Variants in AMPH observed in about 807,000 individuals in gnomAD.
The protein encoded by AMPH is amphiphysin, also known as amphiphysin (Stiff-Mann syndrome with breast cancer 128kD autoantigen).
A neutral mutation model predicts 99.1 loss-of-function variants in AMPH; 49 were observed. That is an observed-to-expected ratio of 0.49 (90% CI 0.39 to 0.63). The LOEUF is 0.63. Ranked by LOEUF, AMPH falls within the 20% of genes least tolerant of loss-of-function variation. The probability of loss-of-function intolerance (pLI) is 0.00; values close to 1 mark genes in which losing one functional copy is unlikely to be tolerated. For missense variants in AMPH, 759 were observed against 863.4 expected, an observed-to-expected ratio of 0.88 and a Z score of 1.52; for synonymous variants, 314 against 317.3, an observed-to-expected ratio of 0.99 and a Z score of 0.11.
chr7:38,490,528 T>C (rs748438807), intron 5 of AMPH, among the ~76,000 whole-genome samples: 1 of 152,166 alleles, frequency 6.6e-6, no homozygotes, highest in African/African-American at 2.4e-5. Context: ...CAGATGCAAA[T>C]GTATTTAAAA....
At chr7:38,552,805 T>C (rs1791225391) in intron 1 of AMPH, among the ~76,000 whole-genome samples, 1 of 152,140 alleles carries the variant, frequency 6.6e-6, no homozygotes, top group African/African-American at 2.4e-5. Flanking sequence ...TTTTCTCATC[T>C]CCTCCTCTTC....
chr7:38,552,167 C>G (rs1022722525), intron 1 of AMPH, among the ~76,000 whole-genome samples: 2 of 152,162 alleles, frequency 1.3e-5, no homozygotes, highest in African/African-American at 4.8e-5. Context: ...ACAAGAGAAC[C>G]CTTTTGTCAA....
chr7:38,428,323 G>A (rs6958300), intron 14 of AMPH: 9 of 456,510 alleles, frequency 2.0e-5, no homozygotes, highest in East Asian at 6.9e-5. Context: ...GTATGACTAC[G>A]GTTCTCAGTT....
chr7:38,559,278 C>A (rs773032557), intron 1 of AMPH, among the ~76,000 whole-genome samples: 8 of 152,236 alleles, frequency 5.3e-5, no homozygotes, highest in Non-Finnish European at 1.2e-4. Context: ...AATAACAGAG[C>A]AGTCAAAGGA....
chr7:38,457,616 T>C (rs187751135), intron 11 of AMPH, among the ~76,000 whole-genome samples: 76 of 152,266 alleles, frequency 5.0e-4, no homozygotes, highest in African/African-American at 1.8e-3. Flanking sequence ...AGAGAACAAA[T>C]GGGCTAGAAA....
chr7:38,569,644 T>C (rs982610291), intron 1 of AMPH, among the ~76,000 whole-genome samples: 1 of 152,028 alleles, frequency 6.6e-6, no homozygotes, highest in Non-Finnish European at 1.5e-5. Context: ...TTAAAAGAAA[T>C]TTTCAAGGAA....
intron 1 of AMPH, among the ~76,000 whole-genome samples, chr7:38,601,606 T>C (rs1229519114): frequency 2.0e-5 from 3 of 152,222 alleles, no homozygotes; most frequent in Admixed American, 6.5e-5. Context: ...AGCACAGTTC[T>C]GCTCAGTAAA....
intron 17 of AMPH, among the ~76,000 whole-genome samples, chr7:38,401,881 G>A (rs931312136): frequency 1.3e-5 from 2 of 151,724 alleles, no homozygotes; most frequent in African/African-American, 4.8e-5. Flanking sequence ...CTATTATACT[G>A]GCCACTTCTG....
chr7:38,496,540 C>T (rs1039027772), intron 3 of AMPH, among the ~76,000 whole-genome samples: 1 of 152,098 alleles, frequency 6.6e-6, no homozygotes, highest in Non-Finnish European at 1.5e-5. Context: ...GAAACAGAGT[C>T]GTGCAGGTGA....
chr7:38,440,049 G>A (rs978638644), intron 11 of AMPH, among the ~76,000 whole-genome samples: 3 of 152,094 alleles, frequency 2.0e-5, no homozygotes, highest in African/African-American at 4.8e-5. Flanking sequence ...TTTGTATTCC[G>A]CCATTCACCG....
rs1177612475 is a variant in AMPH at position 38,384,692 on chromosome 7, T to C, written c.*126A>G. ...TGCACACATGCTCCATTGATACATC[T>C]TCCCAAGGTTTGTCTGGCATCAGTC... On this transcript the variant is annotated 3_prime_UTR_variant, in exon 21 of 21. Transcript: ENST00000356264. The C allele has an allele frequency of 6.4e-6, 5 of 782,234 alleles. No homozygotes were observed. The highest frequency in any genetic ancestry group is 1.0e-5 in the Non-Finnish European group (5 of 478,402). 48.5% of individuals were successfully genotyped at this position (782,234 alleles called of 1,614,324 possible).
intron 7 of AMPH, among the ~76,000 whole-genome samples, chr7:38,467,817 G>A (rs1787721320): frequency 6.6e-6 from 1 of 152,104 alleles, no homozygotes; most frequent in Non-Finnish European, 1.5e-5. Flanking sequence ...CAGAGAAACT[G>A]AGAAGAGAGG....
rs1787511287 is a variant in AMPH at position 38,463,013 on chromosome 7, C to T, written c.850G>A (p.Ala284Thr). ...TASPNHTLAP[A>T]SPAPARPRSP... is the part of the protein sequence containing the mutation. ...CGAGGCCGTGCTGGTGCGGGAGACG[C>T]AGGTGCTAATGTATGATTTGGACTT... The change falls in exon 10 of 21, where the codon GCG becomes ACG. Residue 284 changes from alanine (A) to threonine (T), a missense_variant. Transcript: ENST00000356264. 6.2e-7 allele frequency: 1 copy of T among 1,603,800 alleles called. No homozygotes were observed. The highest frequency in any genetic ancestry group is 8.5e-7 in the Non-Finnish European group (1 of 1,175,256).
intron 1 of AMPH, among the ~76,000 whole-genome samples, chr7:38,630,710 A>C (rs1161317702): frequency 6.6e-6 from 1 of 152,230 alleles, no homozygotes; most frequent in Non-Finnish European, 1.5e-5. Context: ...ACCAGACAGC[A>C]CTGTGTGATC....
intron 14 of AMPH, chr7:38,429,508 C>T (rs1446150708): frequency 3.8e-5 from 52 of 1,357,952 alleles, no homozygotes; most frequent in East Asian, 1.3e-4. Flanking sequence ...TGAATTTCTT[C>T]GGCCAACCCA....
intron 1 of AMPH, among the ~76,000 whole-genome samples, chr7:38,624,511 C>T (rs865949661): frequency 4.6e-5 from 7 of 150,538 alleles, no homozygotes; most frequent in Middle Eastern, 3.4e-3. Context: ...TCTTCTGCCT[C>T]GGCCTCCCGA....
intron 2 of AMPH, among the ~76,000 whole-genome samples, chr7:38,513,303 C>G (rs1789611271): frequency 6.6e-6 from 1 of 152,132 alleles, no homozygotes; most frequent in East Asian, 1.9e-4. Flanking sequence ...CATAGCCAAT[C>G]ACACAACAAT....
chr7:38,613,619 C>T (rs1793761030), intron 1 of AMPH, among the ~76,000 whole-genome samples: 2 of 152,178 alleles, frequency 1.3e-5, no homozygotes, highest in South Asian at 4.1e-4. Context: ...AAATGCTCTC[C>T]ACTTCCACAG....
chr7:38,609,550 C>T (rs1284267615), intron 1 of AMPH, among the ~76,000 whole-genome samples: 1 of 152,168 alleles, frequency 6.6e-6, no homozygotes, highest in Non-Finnish European at 1.5e-5. Flanking sequence ...AAACAATGGT[C>T]CATCCTTATT....
Sources: gnomAD v4.1 joint callset for allele counts (sites outside exome capture counted in the v4.1 genomes callset) on GRCh38, gnomAD v4.1.1 for gene constraint, MANE v1.5 for transcripts, NCBI Gene and HGNC (gene_info 2026-07-23, HGNC 2026-07-21) for gene names.